MILR1: variants seen among roughly 807,000 people sequenced by gnomAD.
MILR1 encodes the protein mast cell immunoglobulin like receptor 1, also known as allergin-1.
A neutral mutation model predicts 18.5 loss-of-function variants in MILR1; 31 were observed. That is an observed-to-expected ratio of 1.68 (90% confidence interval 1.26 to 2.26). The LOEUF (loss-of-function observed/expected upper bound fraction) is 2.26, where lower values mean the gene tolerates loss of function less well. MILR1 is among the 30% of genes most tolerant of loss of function. The probability of loss-of-function intolerance (pLI) is 0.00; values close to 1 mark genes in which losing one functional copy is unlikely to be tolerated. For synonymous variants in MILR1, 85 were observed against 56.2 expected (o/e 1.51, Z -2.30); for missense variants, 257 against 157.4 (o/e 1.63, Z -3.38).
At chr17:64,464,667 A>C (rs2037509138) in intron 5 of MILR1, among the ~76,000 whole-genome samples, 1 of 152,222 alleles carries the variant, frequency 6.6e-6, no homozygotes, top group Admixed American at 6.5e-5. Context: ...CTGGCCGGGC[A>C]CAGTGGCTCA....
chr17:64,462,348 T>C (rs987674399), intron 5 of MILR1, among the ~76,000 whole-genome samples: 29 of 152,292 alleles, frequency 1.9e-4, no homozygotes, highest in African/African-American at 6.7e-4. Context: ...GTGTTCTTAA[T>C]TAAACACAAG....
the MILR1 span, chr17:64,490,365 C>T: frequency 4.5e-6 from 1 of 223,602 alleles, no homozygotes. Flanking sequence ...AGTACTACCA[C>T]TTCTGTAGTA....
chr17:64,454,790 T>G (rs2037253662), intron 3 of MILR1, among the ~76,000 whole-genome samples: 1 of 152,126 alleles, frequency 6.6e-6, no homozygotes, highest in East Asian at 1.9e-4. Context: ...GCCCAGGAGT[T>G]TGAGACCAGC....
the MILR1 span, among the ~76,000 whole-genome samples, chr17:64,492,361 G>A: frequency 9.2e-5 from 14 of 152,134 alleles, no homozygotes; most frequent in African/African-American, 3.4e-4. Context: ...GGTAGCAAAA[G>A]CTGAAGCTGT....
the MILR1 span, among the ~76,000 whole-genome samples, chr17:64,480,044 G>C: frequency 5.3e-5 from 8 of 152,272 alleles, no homozygotes; most frequent in Non-Finnish European, 8.8e-5. Context: ...GATAAGCTGA[G>C]GTATACATAC....
intron 9 of MILR1, 129 bp from the exon 10 acceptor site, chr17:64,468,181 A>G (rs1454674661): frequency 1.1e-5 from 5 of 450,200 alleles, no homozygotes; most frequent in African/African-American, 8.1e-5. Context: ...AGTTGTGGGG[A>G]GGACCCTCCT....
chr17:64,450,900 C>T (rs2037156018), intron 2 of MILR1, among the ~76,000 whole-genome samples: 1 of 152,148 alleles, frequency 6.6e-6, no homozygotes, highest in South Asian at 2.1e-4. Flanking sequence ...AATAAACATC[C>T]TTGTACACAA....
At chr17:64,478,690 G>A in the MILR1 span, among the ~76,000 whole-genome samples, 7 of 152,112 alleles carry the variant, frequency 4.6e-5, no homozygotes, top group African/African-American at 1.7e-4. Context: ...GAGGTCAGGA[G>A]TTCGAGACCA....
chr17:64,487,057 A>G, the MILR1 span: 1 of 152,190 alleles, frequency 6.6e-6, no homozygotes, highest in African/African-American at 2.4e-5. Context: ...ATACTTAAAT[A>G]ACCACCTTTA....
chr17:64,474,479 G>A, the MILR1 span, among the ~76,000 whole-genome samples: 5 of 152,006 alleles, frequency 3.3e-5, no homozygotes, highest in South Asian at 2.1e-4. Context: ...GGCTCAAGCC[G>A]TCCACACCCA....
chr17:64,452,839 A>G lies in MILR1; in HGVS notation c.340A>G (p.Ser114Gly), dbSNP rs2037204789. The G allele has an allele frequency of 1.3e-5, 6 of 475,112 alleles. No individual in the cohort carries two copies. In the South Asian group the frequency reaches 2.7e-4, roughly 21 times the overall value. The allele number at this position is 475,112 out of a possible 1,614,324, so 29.4% of individuals were successfully genotyped here. A position where few individuals can be genotyped will look rare whatever the true frequency, so the allele number is the denominator to read the frequency against. The change falls in exon 3 of 10, where the codon AGT becomes GGT. Residue 114 changes from serine (S) to glycine (G), a missense_variant. Physicochemically the swap from Ser to Gly is moderately conservative, Grantham distance 56. Coordinates refer to ENST00000619286, the MANE Select transcript of MILR1 (RefSeq NM_001085423.2). Reference protein sequence around the residue: ...KAQVTSCSKYSRDFSFTIVDP... With the variant: ...KAQVTSCSKYGRDFSFTIVDP... ...CCAAGTTACCAGCTGTTCAAAATAC[A>G]GTCGTGACTTCAGCTTCACGATTGT...
At chr17:64,466,550 C>T (rs782705616) in intron 7 of MILR1, 44 bp from the exon 8 acceptor site, 2 of 1,611,330 alleles carry the variant, frequency 1.2e-6, no homozygotes, top group Admixed American at 3.3e-5. Flanking sequence ...CTTAGAAATT[C>T]ACATAATTGG....
chr17:64,469,643 C>T (rs2037657080), downstream of MILR1, among the ~76,000 whole-genome samples: 1 of 152,222 alleles, frequency 6.6e-6, no homozygotes. Flanking sequence ...AAGTGATCCG[C>T]CCACCTCGGA....
chr17:64,496,897 T>G, the MILR1 span: 3 of 1,612,986 alleles, frequency 1.9e-6, no homozygotes, highest in Non-Finnish European at 2.5e-6. Flanking sequence ...CCGCATCTAC[T>G]CGACCCCCAA....
Position 64,465,458 on chromosome 17 carries a change from C to T in MILR1, c.770C>T (p.Ala257Val). 1 of 1,602,516 alleles carries T rather than the reference C, an allele frequency of 6.2e-7. No individual in the cohort carries two copies. The highest frequency in any genetic ancestry group is 8.5e-7 in the Non-Finnish European group (1 of 1,172,480). The change falls in exon 6 of 10, where the codon GCT becomes GTT. Residue 257 changes from alanine (A) to valine (V), a missense_variant. Transcript: ENST00000619286. Reference sequence around the variant, plus strand: ...TTCCTACCTATTTACGTAGGAAAAGCTATGAGAAATAATGTGCCCAGGGAC... The same window carrying T: ...TTCCTACCTATTTACGTAGGAAAAGTTATGAGAAATAATGTGCCCAGGGAC... Reference protein sequence around the residue: ...WVLPKYKTRKAMRNNVPRDRG... With the variant: ...WVLPKYKTRKVMRNNVPRDRG...
chr17:64,487,850 A>C, the MILR1 span, among the ~76,000 whole-genome samples: 1 of 152,058 alleles, frequency 6.6e-6, no homozygotes, highest in African/African-American at 2.4e-5. Flanking sequence ...TAAAACAAAC[A>C]AAAAAGATTG....
the MILR1 span, chr17:64,491,939 CAAAA>C: frequency 6.9e-6 from 1 of 144,810 alleles, no homozygotes; most frequent in African/African-American, 3.1e-5. Flanking sequence ...AAAAAAAAAA[CAAAA>C]AAAAAACCAA....
intron 3 of MILR1, among the ~76,000 whole-genome samples, chr17:64,455,895 C>G (rs2037287669): frequency 6.6e-6 from 1 of 151,836 alleles, no homozygotes; most frequent in African/African-American, 2.4e-5. Context: ...CAAAAATTAG[C>G]TAGGCATGGT....
chr17:64,490,737 C>A, the MILR1 span: 1 of 1,364,466 alleles, frequency 7.3e-7, no homozygotes, highest in Non-Finnish European at 1.0e-6. Context: ...TCAAATGGTT[C>A]GGAAATGATT....
Sources: gnomAD v4.1 joint callset for allele counts (sites outside exome capture counted in the v4.1 genomes callset) on GRCh38, gnomAD v4.1.1 for gene constraint, MANE v1.5 for transcripts, NCBI Gene and HGNC (gene_info 2026-07-23, HGNC 2026-07-21) for gene names.